PAQR5: variants seen among roughly 807,000 people sequenced by gnomAD.
PAQR5 encodes the protein progestin and adipoQ receptor family member 5.
Under a neutral mutation model 34.5 loss-of-function variants are expected in PAQR5, and 20 were observed. That is an observed-to-expected ratio of 0.58 (90% CI 0.41 to 0.84). PAQR5 has a LOEUF of 0.84. Ranked by LOEUF, PAQR5 falls within the 40% of genes least tolerant of loss-of-function variation. The pLI is 0.00. For synonymous variants in PAQR5, 131 were observed against 155.6 expected (o/e 0.84, Z 1.18); for missense variants, 378 against 412.7 (o/e 0.92, Z 0.73).
chr15:69,352,328 T>G (rs900912703), intron 2 of PAQR5, among the ~76,000 whole-genome samples: 1 of 152,194 alleles, frequency 6.6e-6, no homozygotes, highest in Non-Finnish European at 1.5e-5. Flanking sequence ...CTGCGTATCA[T>G]GAACTGAATG....
At chr15:69,317,697 G>GC (rs2053986906) in intron 1 of PAQR5, among the ~76,000 whole-genome samples, 1 of 152,150 alleles carries the variant, frequency 6.6e-6, no homozygotes, top group South Asian at 2.1e-4. Flanking sequence ...AGGTGCAGCA[G>GC]CTCCCTGGAC....
At chr15:69,328,065 G>A (rs1032393560) in intron 1 of PAQR5, among the ~76,000 whole-genome samples, 2 of 152,152 alleles carry the variant, frequency 1.3e-5, no homozygotes, top group African/African-American at 4.8e-5. Flanking sequence ...ACAGGTGTGA[G>A]CCACCACACC....
chr15:69,378,264 T>TAAAAAAAAAA (rs71149912), intron 3 of PAQR5, among the ~76,000 whole-genome samples: 34 of 59,692 alleles, frequency 5.7e-4, no homozygotes, highest in African/African-American at 2.9e-3. Context: ...GACTCCATCT[T>TAAAAAAAAAA]AAAAAAAAAA....
At chr15:69,363,606 GCACTATCATGACT>G in intron 3 of PAQR5, among the ~76,000 whole-genome samples, 1 of 133,732 alleles carries the variant, frequency 7.5e-6, no homozygotes, top group East Asian at 2.4e-4. Flanking sequence ...GAGTGCAGTG[GCACTATCATGACT>G]CACTGCAACC....
At chr15:69,317,185 T>C (rs1196574873) in intron 1 of PAQR5, among the ~76,000 whole-genome samples, 1 of 152,220 alleles carries the variant, frequency 6.6e-6, no homozygotes, top group Non-Finnish European at 1.5e-5. Flanking sequence ...TCATCTCCAT[T>C]TCACAAGGGA....
intron 4 of PAQR5, 103 bp downstream of exon 4, chr15:69,380,113 G>C: frequency 7.5e-7 from 1 of 1,341,924 alleles, no homozygotes; most frequent in South Asian, 1.3e-5. Flanking sequence ...TTCTGTGCTG[G>C]GGTTTGGGGA....
chr15:69,395,572 A>T (rs574368818), intron 6 of PAQR5, among the ~76,000 whole-genome samples: 2 of 152,282 alleles, frequency 1.3e-5, no homozygotes, highest in Admixed American at 6.5e-5. Flanking sequence ...GTTTCATCAA[A>T]TCCATACAAC....
intron 1 of PAQR5, among the ~76,000 whole-genome samples, chr15:69,317,549 G>T (rs1163629089): frequency 6.6e-6 from 1 of 152,172 alleles, no homozygotes; most frequent in Non-Finnish European, 1.5e-5. Context: ...TCACCTGTGA[G>T]GTGTGCTCTT....
intron 1 of PAQR5, among the ~76,000 whole-genome samples, chr15:69,328,532 G>A (rs958722123): frequency 1.4e-4 from 22 of 152,152 alleles, no homozygotes; most frequent in Middle Eastern, 3.2e-3. Flanking sequence ...GGCTGGGCCC[G>A]AAAGGCTGCC....
At chr15:69,338,030 T>G (rs1488672295) in intron 2 of PAQR5, among the ~76,000 whole-genome samples, 1 of 152,028 alleles carries the variant, frequency 6.6e-6, no homozygotes, top group Admixed American at 6.6e-5. Flanking sequence ...CGAGCTGAGA[T>G]TACACCACTG....
rs556148658 is a variant in PAQR5, at chr15:69,383,949, G to C, written c.180-728G>C. ...AGGGTGAGTGGGCCTTTGTGTTCAT[G>C]GTGGAGGGTGAGTGGCCCTCTGTGT... On this transcript the variant is annotated intron_variant, in intron 4 of 8. Transcript: ENST00000395407. 5.0e-4 allele frequency among the ~76,000 whole-genome samples: 32 copies of C among 64,190 alleles called. 1 individual carries two copies. The highest frequency in any genetic ancestry group is 2.3e-3 in the African/African-American group (32 of 13,728). The allele number at this position is 64,190 out of a possible 152,430, so 42.1% of individuals were successfully genotyped here.
At chr15:69,394,477 C>T (rs914291407) in intron 6 of PAQR5, among the ~76,000 whole-genome samples, 1 of 152,242 alleles carries the variant, frequency 6.6e-6, no homozygotes, top group African/African-American at 2.4e-5. Context: ...CTCGTGCGTG[C>T]GCCTCTGCAA....
chr15:69,361,717 C>A (rs773902577), intron 3 of PAQR5, among the ~76,000 whole-genome samples: 2 of 152,182 alleles, frequency 1.3e-5, no homozygotes, highest in Non-Finnish European at 2.9e-5. Context: ...CCCCATGATC[C>A]AATCACCTCC....
At position 69,384,784 on chromosome 15, in the gene PAQR5, T is replaced by C; in HGVS notation, c.287T>C (p.Leu96Pro). ...ATGTGCACCAGCTGCGTGTACCCACTTGTGTCCAGCTGTGCGCACACCTTC... is the reference window on the plus strand; with the variant it reads ...ATGTGCACCAGCTGCGTGTACCCACCTGTGTCCAGCTGTGCGCACACCTTC... ...VYMCTSCVYPLVSSCAHTFSS... is the reference protein window; with the variant it reads ...VYMCTSCVYPPVSSCAHTFSS... Residue 96 changes from leucine (L) to proline (P), a missense_variant, in exon 5 of 9, where the codon CTT (leucine) becomes CCT (proline). Leu to Pro is a moderately conservative substitution (Grantham distance 98). Coordinates refer to ENST00000395407, the MANE Select transcript of PAQR5 (RefSeq NM_017705.4). 1 of 1,613,904 alleles carries C rather than the reference T, an allele frequency of 6.2e-7. No homozygotes were observed. Among genetic ancestry groups the C allele is most frequent in the South Asian group, 1.1e-5 (1 of 91,082 alleles).
In PAQR5 at chr15:69,404,625, C is replaced by G; in HGVS notation, c.*803C>G. 4.1e-6 allele frequency: 1 copy of G among 243,472 alleles called. No homozygotes were observed. Among genetic ancestry groups the G allele is most frequent in the Non-Finnish European group, 7.8e-6 (1 of 128,112 alleles). 15.1% of individuals were successfully genotyped at this position (243,472 alleles called of 1,614,324 possible). A position where few individuals can be genotyped will look rare whatever the true frequency, so the allele number is the denominator to read the frequency against. Reference sequence around the variant, plus strand: ...ACTGAGTTAATCCCAATTGGTTGTGCTCATATGCCACCTTTTAAACCAATG... The same window carrying G: ...ACTGAGTTAATCCCAATTGGTTGTGGTCATATGCCACCTTTTAAACCAATG... On this transcript the variant is annotated 3_prime_UTR_variant, in exon 9 of 9. Coordinates refer to ENST00000395407, the MANE Select transcript of PAQR5 (RefSeq NM_017705.4).
chr15:69,305,928 G>A (rs899963788), intron 1 of PAQR5, among the ~76,000 whole-genome samples: 1 of 152,160 alleles, frequency 6.6e-6, no homozygotes, highest in African/African-American at 2.4e-5. Context: ...CACTGTCTCT[G>A]GGAATAACAG....
chr15:69,300,916 T>C (rs186430260), intron 1 of PAQR5, among the ~76,000 whole-genome samples: 581 of 10,010 alleles, frequency 0.058, 193 homozygotes, highest in South Asian at 0.23. Context: ...TTCCTTCCTT[T>C]CTCTCTCTCT....
chr15:69,302,405 C>T (rs1243755616), intron 1 of PAQR5, among the ~76,000 whole-genome samples: 1 of 150,376 alleles, frequency 6.6e-6, no homozygotes, highest in East Asian at 2.0e-4. Flanking sequence ...CTCTCCCTCC[C>T]TCCCCATGTA....
At chr15:69,397,437 A>G (rs1440547714) in intron 6 of PAQR5, 31 bp from the exon 7 acceptor site, 2 of 1,464,918 alleles carry the variant, frequency 1.4e-6, no homozygotes, top group South Asian at 2.3e-5. Context: ...TTTTCATTCC[A>G]TTTCCTCCCC....
Sources: allele counts gnomAD v4.1 joint callset (sites outside exome capture counted in the v4.1 genomes callset), GRCh38; gene constraint gnomAD v4.1.1; transcripts MANE v1.5; gene names NCBI Gene and HGNC (gene_info 2026-07-23, HGNC 2026-07-21).